Variants in NHS observed in about 807,000 individuals in gnomAD.
NHS encodes the protein NHS actin remodeling regulator.
A neutral mutation model predicts 72.5 loss-of-function variants in NHS; 5 were observed. The observed-to-expected ratio is 0.07, with a 90% CI of 0.04 to 0.14. NHS has a LOEUF of 0.14. Ranked by LOEUF, NHS falls within the 10% of genes least tolerant of loss-of-function variation. NHS has a pLI of 1.00. For missense variants in NHS, 1,072 were observed against 1,355.7 expected (o/e 0.79, Z 3.29); for synonymous variants, 464 against 547.7 (o/e 0.85, Z 2.13).
At chrX:17,418,117 T>C (rs771043238) in intron 1 of NHS, among the ~76,000 whole-genome samples, 2 of 112,082 alleles carry the variant, frequency 1.8e-5, no homozygotes, top group South Asian at 7.5e-4. Context: ...CCTGATATTT[T>C]CACTGCAGAA....
chrX:17,548,864 GC>G (rs1364090595), intron 1 of NHS, among the ~76,000 whole-genome samples: 2 of 111,182 alleles, frequency 1.8e-5, no homozygotes, highest in Admixed American at 9.5e-5. Context: ...GCCCCCCCTT[GC>G]TTTTAAGGTG....
At chrX:17,569,473 G>C (rs1466804498) in intron 1 of NHS, among the ~76,000 whole-genome samples, 1 of 110,989 alleles carries the variant, frequency 9.0e-6, no homozygotes, top group Non-Finnish European at 1.9e-5. Flanking sequence ...CTTCTTTTGA[G>C]AAGTGTCTGT....
chrX:17,676,657 G>C (rs924839028), intron 1 of NHS, among the ~76,000 whole-genome samples: 1 of 112,439 alleles, frequency 8.9e-6, no homozygotes, highest in East Asian at 2.8e-4. Flanking sequence ...TCTTCAGGGG[G>C]TGTGGGGCTG....
chrX:17,494,267 C>T (rs1475395297), intron 1 of NHS, among the ~76,000 whole-genome samples: 2 of 108,425 alleles, frequency 1.8e-5, no homozygotes, highest in East Asian at 2.9e-4. Context: ...TTGGTAGAGA[C>T]GGTGTTTTAC....
intron 3 of NHS, among the ~76,000 whole-genome samples, chrX:17,697,545 C>A (rs2066238530): frequency 8.9e-6 from 1 of 111,954 alleles, no homozygotes; most frequent in Non-Finnish European, 1.9e-5. Flanking sequence ...GAGAATTTTG[C>A]ACCCATGAGT....
At chrX:17,413,111 T>TTG (rs746502435) in intron 1 of NHS, among the ~76,000 whole-genome samples, 20 of 112,216 alleles carry the variant, frequency 1.8e-4, no homozygotes, top group Middle Eastern at 4.6e-3. Context: ...TATTTAGCGC[T>TTG]TGTGTGTGTG....
intron 1 of NHS, among the ~76,000 whole-genome samples, chrX:17,377,593 T>A (rs1488678040): frequency 8.8e-6 from 1 of 113,505 alleles, no homozygotes; most frequent in East Asian, 2.8e-4. Flanking sequence ...TCCGGGCACC[T>A]CTGCCCCACA....
intron 1 of NHS, among the ~76,000 whole-genome samples, chrX:17,463,467 G>A (rs1458483085): frequency 9.0e-6 from 1 of 110,803 alleles, no homozygotes; most frequent in African/African-American, 3.3e-5. Context: ...TGGAAAGGTT[G>A]TCATAGATGA....
intron 1 of NHS, among the ~76,000 whole-genome samples, chrX:17,612,340 C>G (rs1004609742): frequency 9.1e-6 from 1 of 110,300 alleles, no homozygotes; most frequent in Non-Finnish European, 1.9e-5. Context: ...CTCTTTCCCC[C>G]GGTTCTGTCA....
chrX:17,732,409 C>T lies in NHS; in HGVS notation c.4901C>T (p.Thr1634Met), dbSNP rs750104514. The change falls in exon 9 of 9, where the codon ACG becomes ATG. Residue 1634 changes from threonine (T) to methionine (M), a missense_variant. Transcript: ENST00000676302. ...TPMQAISEGETENSDGSPHDD... is the reference protein window; with the variant it reads ...TPMQAISEGEMENSDGSPHDD... Reference sequence around the variant, plus strand: ...ATGCAGGCAATCTCCGAGGGAGAGACGGAAAATTCTGACGGGAGCCCACAT... The same window carrying T: ...ATGCAGGCAATCTCCGAGGGAGAGATGGAAAATTCTGACGGGAGCCCACAT... 4 of 1,211,287 alleles carry T rather than the reference C, an allele frequency of 3.3e-6. No homozygotes were observed. Among genetic ancestry groups the T allele is most frequent in the South Asian group, 1.8e-5 (1 of 56,932 alleles).
At chrX:17,417,088 G>C (rs768584854) in intron 1 of NHS, among the ~76,000 whole-genome samples, 4 of 97,619 alleles carry the variant, frequency 4.1e-5, no homozygotes. Flanking sequence ...TAAGAAAACA[G>C]AATACACACA....
rs915887429 is a variant in NHS, at chrX:17,735,938, G to A, written c.*3474G>A. 2 of 112,179 alleles carry A rather than the reference G, an allele frequency of 1.8e-5. No homozygotes were observed. The highest frequency in any genetic ancestry group is 6.5e-5 in the African/African-American group (2 of 30,735). The allele number at this position is 112,179 out of a possible 1,213,427, so 9.2% of individuals were successfully genotyped here. ...CTCTCAAAAAAAATGTATCAGAAAA[G>A]TTTGATTACCTAGAAAGTGTGTATA... On this transcript the variant is annotated 3_prime_UTR_variant, in exon 9 of 9. Coordinates refer to ENST00000676302, the MANE Select transcript of NHS (RefSeq NM_001291867.2).
intron 1 of NHS, among the ~76,000 whole-genome samples, chrX:17,672,205 G>A (rs1182140032): frequency 8.9e-6 from 1 of 112,067 alleles, no homozygotes; most frequent in Non-Finnish European, 1.9e-5. Flanking sequence ...CACTTGCATA[G>A]TGTCCAAAAT....
At chrX:17,434,111 T>A (rs1383148611) in intron 1 of NHS, among the ~76,000 whole-genome samples, 1 of 111,201 alleles carries the variant, frequency 9.0e-6, no homozygotes. Flanking sequence ...TGTAGGGGAG[T>A]GCAAAGGCAG....
intron 1 of NHS, among the ~76,000 whole-genome samples, chrX:17,516,798 C>G (rs752699919): frequency 1.8e-5 from 2 of 111,975 alleles, no homozygotes; most frequent in South Asian, 7.5e-4. Context: ...CACACGTGCA[C>G]ATACACATTT....
intron 1 of NHS, among the ~76,000 whole-genome samples, chrX:17,485,560 C>T (rs1418152296): frequency 9.0e-6 from 1 of 110,698 alleles, no homozygotes; most frequent in Non-Finnish European, 1.9e-5. Context: ...GTTAGATGGC[C>T]TACATCTAAG....
chrX:17,383,004 A>G (rs923132463), intron 1 of NHS, among the ~76,000 whole-genome samples: 5 of 112,138 alleles, frequency 4.5e-5, no homozygotes, highest in African/African-American at 1.6e-4. Flanking sequence ...CTCCTTGGAT[A>G]GGAGAACTCT....
At chrX:17,557,347 A>ATATATG (rs1490660271) in intron 1 of NHS, 185 of 106,476 alleles carry the variant, frequency 1.7e-3, no homozygotes, top group African/African-American at 6.2e-3. Context: ...ATATATATAT[A>ATATATG]TCTTGCATTT....
chrX:17,590,490 G>A (rs929575794), intron 1 of NHS, among the ~76,000 whole-genome samples: 1 of 111,608 alleles, frequency 9.0e-6, no homozygotes. Context: ...GGAAATGGTT[G>A]TTATATAAAA....
Sources: allele counts gnomAD v4.1 joint callset (sites outside exome capture counted in the v4.1 genomes callset), GRCh38; gene constraint gnomAD v4.1.1; transcripts MANE v1.5; gene names NCBI Gene and HGNC (gene_info 2026-07-23, HGNC 2026-07-21).